The following GPR39 variants were observed in gnomAD, a reference collection of about 807,000 sequenced individuals.
GPR39 encodes the protein zinc sensing receptor.
GPR39 carries 23 observed loss-of-function variants against 18.4 expected under a neutral mutation model. The ratio of observed to expected loss-of-function variants is 1.25; its 90% CI spans 0.90 to 1.77. The LOEUF is 1.77. Ranked by LOEUF, GPR39 falls within the 40% of genes most tolerant of loss-of-function variation. The probability of loss-of-function intolerance (pLI) is 0.00; values close to 1 mark genes in which losing one functional copy is unlikely to be tolerated. For missense variants in GPR39, 647 were observed against 602.4 expected, an observed-to-expected ratio of 1.07 and a Z score of -0.78; for synonymous variants, 280 against 257.9, an observed-to-expected ratio of 1.09 and a Z score of -0.82.
chr2:132,618,751 A>G (rs1681382592), intron 1 of GPR39, among the ~76,000 whole-genome samples: 2 of 152,108 alleles, frequency 1.3e-5, no homozygotes, highest in African/African-American at 2.4e-5. Flanking sequence ...ATCCTCCTCT[A>G]TCTTCAGCAT....
chr2:132,426,158 A>G (rs909869871), intron 1 of GPR39, among the ~76,000 whole-genome samples: 16 of 152,200 alleles, frequency 1.1e-4, no homozygotes, highest in African/African-American at 3.9e-4. Context: ...CTCACCTTCC[A>G]AGAATTGCCT....
At chr2:132,457,783 T>A (rs1381883098) in intron 1 of GPR39, among the ~76,000 whole-genome samples, 2 of 152,222 alleles carry the variant, frequency 1.3e-5, no homozygotes, top group African/African-American at 4.8e-5. Flanking sequence ...TGTGGTGGGC[T>A]CCGCCCAGTT....
chr2:132,417,739 G>A lies in GPR39; in HGVS notation c.697G>A (p.Val233Met), dbSNP rs761009247. 1 of 1,614,082 alleles carries A rather than the reference G, an allele frequency of 6.2e-7. No homozygotes were observed. The highest frequency in any genetic ancestry group is 8.5e-7 in the Non-Finnish European group (1 of 1,180,028). ...CTTCGGCGCCTTCGTGGTCTACCTC[G>A]TGGTCCTGCTCTCCGTAGCCTTCAT... ...SIFGAFVVYLVVLLSVAFMCW... is the reference protein window; with the variant it reads ...SIFGAFVVYLMVLLSVAFMCW... The change falls in exon 1 of 2, where the codon GTG becomes ATG. Residue 233 changes from valine to methionine, a missense_variant. By Grantham distance (21) the Val-to-Met change is conservative (BLOSUM62 1). Coordinates refer to ENST00000329321, the MANE Select transcript of GPR39 (RefSeq NM_001508.3).
intron 1 of GPR39, among the ~76,000 whole-genome samples, chr2:132,531,588 C>A (rs574880156): frequency 1.3e-5 from 2 of 152,264 alleles, no homozygotes; most frequent in East Asian, 3.9e-4. Flanking sequence ...AAATTGACCA[C>A]GTAGTTGGAA....
At chr2:132,500,749 T>C (rs1679015609) in intron 1 of GPR39, among the ~76,000 whole-genome samples, 1 of 152,130 alleles carries the variant, frequency 6.6e-6, no homozygotes, top group Non-Finnish European at 1.5e-5. Context: ...ACCCTTTCAG[T>C]CTCACTGCTT....
Position 132,501,054 on chromosome 2 carries a change from G to GTT in GPR39, c.856+83174_856+83175dup, listed in dbSNP as rs55720929. On this transcript the variant is annotated intron_variant, in intron 1 of 1. Coordinates refer to ENST00000329321, the MANE Select transcript of GPR39 (RefSeq NM_001508.3). ...AGTTTTTGTTTCATTTATCTTTTGT[G>GTT]TTTTTTTTTTTTTTTTTTTGGTTTC... Among the ~76,000 whole-genome samples, 115 of 90,280 alleles carry GTT rather than the reference G, an allele frequency of 1.3e-3. 1 individual carries two copies. Among genetic ancestry groups the GTT allele is most frequent in the East Asian group, 0.011 (25 of 2,342 alleles). 59.2% of individuals were successfully genotyped at this position (90,280 alleles called of 152,430 possible).
chr2:132,584,114 A>T (rs1262752758), intron 1 of GPR39, among the ~76,000 whole-genome samples: 2 of 152,100 alleles, frequency 1.3e-5, no homozygotes, highest in Admixed American at 1.3e-4. Context: ...TTTGGAGGAC[A>T]GGTTGCAGTT....
At chr2:132,458,458 T>TTGTGTGTG (rs57137481) in intron 1 of GPR39, among the ~76,000 whole-genome samples, 2,257 of 132,138 alleles carry the variant, frequency 0.017, 57 homozygotes, top group African/African-American at 0.042. Flanking sequence ...CTCGGTGTGT[T>TTGTGTGTG]TGTGTGTGTG....
At chr2:132,514,450 G>T (rs1327104535) in intron 1 of GPR39, among the ~76,000 whole-genome samples, 1 of 152,152 alleles carries the variant, frequency 6.6e-6, no homozygotes, top group Non-Finnish European at 1.5e-5. Context: ...AGGCTCCCCC[G>T]TGTTAAGCTG....
intron 1 of GPR39, among the ~76,000 whole-genome samples, chr2:132,511,255 G>A (rs1204200015): frequency 6.6e-6 from 1 of 152,032 alleles, no homozygotes; most frequent in African/African-American, 2.4e-5. Flanking sequence ...TAACACTTTG[G>A]AATTTATTGC....
chr2:132,540,811 G>A (rs1187864916), intron 1 of GPR39, among the ~76,000 whole-genome samples: 3 of 152,188 alleles, frequency 2.0e-5, no homozygotes, highest in Non-Finnish European at 4.4e-5. Context: ...TTGCTCGAGT[G>A]TGGTATGAAA....
chr2:132,577,568 C>T lies in GPR39; in HGVS notation c.857-67533C>T, dbSNP rs527596184. Among the ~76,000 whole-genome samples, 34 of 152,182 alleles carry T rather than the reference C, an allele frequency of 2.2e-4. No individual in the cohort carries two copies. In the Middle Eastern group the frequency reaches 0.02, roughly 91 times the overall value. On this transcript the variant is annotated intron_variant, in intron 1 of 1. Coordinates refer to ENST00000329321, the MANE Select transcript of GPR39 (RefSeq NM_001508.3). The stretch of plus-strand genomic sequence containing the variant: ...TTAGATATTTGATTTCTTTCAACAG[C>T]GTTGTATAGTTTTTAGTGTATAAGA...
chr2:132,623,796 A>G (rs1009086336), intron 1 of GPR39, among the ~76,000 whole-genome samples: 30 of 152,168 alleles, frequency 2.0e-4, no homozygotes, highest in African/African-American at 5.8e-4. Flanking sequence ...GAGGTGGAGA[A>G]GCCCGCACAA....
intron 1 of GPR39, among the ~76,000 whole-genome samples, chr2:132,591,756 A>C (rs1680848863): frequency 6.6e-6 from 1 of 152,212 alleles, no homozygotes; most frequent in South Asian, 2.1e-4. Context: ...ACAATGGATA[A>C]GCTGCAGGAA....
intron 1 of GPR39, among the ~76,000 whole-genome samples, chr2:132,448,569 C>T (rs529741054): frequency 6.1e-4 from 93 of 152,256 alleles, no homozygotes; most frequent in African/African-American, 2.2e-3. Flanking sequence ...CAGCTGATGC[C>T]GAGTGCTGCC....
Position 132,480,083 on chromosome 2 carries a change from T to C in GPR39, c.856+62185T>C, listed in dbSNP as rs77296934. Among the ~76,000 whole-genome samples, 1,108 of 152,270 alleles carry C rather than the reference T, an allele frequency of 7.3e-3. 15 individuals are homozygous for C. Among genetic ancestry groups the C allele is most frequent in the African/African-American group, 0.025 (1,049 of 41,550 alleles). On this transcript the variant is annotated intron_variant, in intron 1 of 1. Transcript: ENST00000329321. ...AGTGGAATATTATTCAGTCTTAAAA[T>C]GGAAGGAAATACCATCAGATACTAT...
intron 1 of GPR39, among the ~76,000 whole-genome samples, chr2:132,476,388 C>A (rs1681126164): frequency 6.6e-6 from 1 of 152,036 alleles, no homozygotes; most frequent in Non-Finnish European, 1.5e-5. Flanking sequence ...GTAATCCCAG[C>A]ACTTTGGGAG....
At chr2:132,576,789 G>T (rs947873350) in intron 1 of GPR39, among the ~76,000 whole-genome samples, 1 of 152,118 alleles carries the variant, frequency 6.6e-6, no homozygotes. Flanking sequence ...TCACATAAGG[G>T]TGTGAGATTT....
At chr2:132,417,966 C>T in intron 1 of GPR39, 68 bp downstream of exon 1, 1 of 1,508,436 alleles carries the variant, frequency 6.6e-7, no homozygotes, top group East Asian at 2.3e-5. Flanking sequence ...GTGCCACTGC[C>T]TGTGGCCCTC....
Sources: gnomAD v4.1 joint callset for allele counts (sites outside exome capture counted in the v4.1 genomes callset) on GRCh38, gnomAD v4.1.1 for gene constraint, MANE v1.5 for transcripts, NCBI Gene and HGNC (gene_info 2026-07-23, HGNC 2026-07-21) for gene names.